The following STT3B variants were observed in gnomAD, a reference collection of about 807,000 sequenced individuals.
STT3B encodes dolichyl-diphosphooligosaccharide--protein glycosyltransferase subunit STT3B.
STT3B carries 29 observed loss-of-function variants against 96.8 expected under a neutral mutation model. The observed-to-expected ratio is 0.30, with a 90% CI of 0.22 to 0.41. STT3B has a LOEUF of 0.41. Among genes scored for constraint, STT3B ranks in the 10% least tolerant of loss-of-function variants. The pLI is 1.00. For synonymous variants in STT3B, 367 were observed against 360.0 expected (o/e 1.02, Z -0.22); for missense variants, 640 against 1,022.3 (o/e 0.63, Z 5.10).
At chr3:31,542,799 GGT>G (rs1419936579) in intron 1 of STT3B, among the ~76,000 whole-genome samples, 1 of 152,108 alleles carries the variant, frequency 6.6e-6, no homozygotes, top group African/African-American at 2.4e-5. Flanking sequence ...GGCTGGGTGT[GGT>G]GGCTCACGCC....
chr3:31,602,504 G>T (rs183071486), intron 5 of STT3B, among the ~76,000 whole-genome samples: 102 of 152,146 alleles, frequency 6.7e-4, no homozygotes, highest in African/African-American at 2.3e-3. Context: ...GGAGATGTCA[G>T]AAGTAGTCAA....
At chr3:31,534,177 A>T (rs1697026047) in intron 1 of STT3B, among the ~76,000 whole-genome samples, 1 of 152,206 alleles carries the variant, frequency 6.6e-6, no homozygotes, top group South Asian at 2.1e-4. Context: ...ATTGGTCTGC[A>T]GGAAGGTTTG....
chr3:31,557,572 AT>A (rs1400036982), intron 1 of STT3B, among the ~76,000 whole-genome samples: 1 of 151,954 alleles, frequency 6.6e-6, no homozygotes, highest in African/African-American at 2.4e-5. Context: ...AGTTTTCCTT[AT>A]AGAGATCTTT....
intron 3 of STT3B, among the ~76,000 whole-genome samples, chr3:31,592,061 A>G (rs963584445): frequency 1.3e-5 from 2 of 152,036 alleles, no homozygotes; most frequent in African/African-American, 4.8e-5. Context: ...ACCACCATCC[A>G]TCTCCAGAGC....
intron 9 of STT3B, chr3:31,620,293 A>AG (rs1699399327): frequency 6.5e-6 from 1 of 154,758 alleles, no homozygotes. Context: ...AAAAAAAAAG[A>AG]AAAAAATTCA....
At chr3:31,543,067 CAAAAA>C (rs10696158) in intron 1 of STT3B, among the ~76,000 whole-genome samples, 1 of 109,470 alleles carries the variant, frequency 9.1e-6, no homozygotes, top group Non-Finnish European at 1.7e-5. Context: ...CTCCATCTCA[CAAAAA>C]AAAAAAAAAA....
chr3:31,581,674 G>A (rs558177350), intron 3 of STT3B, among the ~76,000 whole-genome samples: 1 of 152,172 alleles, frequency 6.6e-6, no homozygotes, highest in East Asian at 1.9e-4. Context: ...TGCAGTGTCT[G>A]TCTGTCTTAG....
chr3:31,615,876 T>C (rs1443279881), intron 6 of STT3B, among the ~76,000 whole-genome samples: 1 of 151,964 alleles, frequency 6.6e-6, no homozygotes, highest in Non-Finnish European at 1.5e-5. Flanking sequence ...ACATCCTCTT[T>C]GTTTAAAGTT....
chr3:31,573,765 A>G (rs1218737736), intron 1 of STT3B, among the ~76,000 whole-genome samples: 6 of 152,204 alleles, frequency 3.9e-5, no homozygotes, highest in Admixed American at 2.6e-4. Flanking sequence ...AGTTAGGGAG[A>G]TGATATTAGT....
rs777239381 is a variant in STT3B, at chr3:31,533,129, C to G, written c.131C>G (p.Ala44Gly). Reference sequence around the variant, plus strand: ...CCCGGGGCCCAGTGCGCGCACAAGGCGGCGGGCGGCGCGGCGCCGCCGAAG... The same window carrying G: ...CCCGGGGCCCAGTGCGCGCACAAGGGGGCGGGCGGCGCGGCGCCGCCGAAG... ...HGPGAQCAHK[A>G]AGGAAPPKPA... The change falls in exon 1 of 16, where the codon GCG becomes GGG. Residue 44 changes from alanine to glycine, a missense_variant. This residue lies in a region of STT3B where 89 missense variants were observed against 81.7 expected (regional missense o/e 1.09). Transcript: ENST00000295770. 1 of 1,308,174 alleles carries G rather than the reference C, an allele frequency of 7.6e-7. No individual in the cohort carries two copies. The highest frequency in any genetic ancestry group is 2.6e-4 in the Middle Eastern group (1 of 3,864). 81.0% of individuals were successfully genotyped at this position (1,308,174 alleles called of 1,614,324 possible). A position where few individuals can be genotyped will look rare whatever the true frequency, so the allele number is the denominator to read the frequency against.
chr3:31,633,777 T>C (rs746044839), intron 15 of STT3B, among the ~76,000 whole-genome samples: 5 of 152,040 alleles, frequency 3.3e-5, no homozygotes, highest in African/African-American at 4.8e-5. Context: ...GGCTAAAAAT[T>C]AGTATTTATA....
At chr3:31,620,135 C>T in intron 9 of STT3B, 1 of 358,924 alleles carries the variant, frequency 2.8e-6, no homozygotes, top group Non-Finnish European at 5.0e-6. Flanking sequence ...ATTAGCCGAA[C>T]ATGGTGGTGC....
intron 6 of STT3B, among the ~76,000 whole-genome samples, chr3:31,616,447 A>G (rs79353410): frequency 0.015 from 2,356 of 152,024 alleles, 72 homozygotes; most frequent in African/African-American, 0.051. Flanking sequence ...ACAAATTTAG[A>G]ATCTTGTCTA....
chr3:31,546,408 T>C (rs1697414378), intron 1 of STT3B, among the ~76,000 whole-genome samples: 1 of 152,192 alleles, frequency 6.6e-6, no homozygotes, highest in African/African-American at 2.4e-5. Flanking sequence ...GCTGGGGCTT[T>C]TGGCTCCTCC....
At chr3:31,544,225 G>A (rs1469991086) in intron 1 of STT3B, among the ~76,000 whole-genome samples, 1 of 152,062 alleles carries the variant, frequency 6.6e-6, no homozygotes, top group Non-Finnish European at 1.5e-5. Flanking sequence ...CAACACTTTA[G>A]GAAACCATCA....
intron 1 of STT3B, among the ~76,000 whole-genome samples, chr3:31,572,029 TTAA>T (rs1005962362): frequency 4.3e-5 from 2 of 46,488 alleles, no homozygotes; most frequent in African/African-American, 7.5e-5. Flanking sequence ...TTAATATATA[TTAA>T]TATATGATAT....
intron 1 of STT3B, 21 bp from the exon 2 acceptor site, chr3:31,576,375 C>G (rs751186820): frequency 7.0e-7 from 1 of 1,430,900 alleles, no homozygotes; most frequent in East Asian, 2.3e-5. Context: ...TATAACATTT[C>G]TTTTTATCTC....
intron 15 of STT3B, among the ~76,000 whole-genome samples, chr3:31,635,008 C>T (rs1699732367): frequency 6.6e-6 from 1 of 152,086 alleles, no homozygotes; most frequent in African/African-American, 2.4e-5. Context: ...TGTTCTCATC[C>T]CTGTTAGAAA....
intron 1 of STT3B, among the ~76,000 whole-genome samples, chr3:31,541,003 T>G (rs1179156430): frequency 6.6e-6 from 1 of 152,212 alleles, no homozygotes; most frequent in Non-Finnish European, 1.5e-5. Context: ...TAAATTATTA[T>G]ACATCTTATT....
Sources: allele counts gnomAD v4.1 joint callset (sites outside exome capture counted in the v4.1 genomes callset), GRCh38; gene constraint gnomAD v4.1.1; regional missense constraint gnomAD v4.1.1; transcripts MANE v1.5; gene names NCBI Gene and HGNC (gene_info 2026-07-23, HGNC 2026-07-21).